SLC2A9: variants seen among roughly 807,000 people sequenced by gnomAD.
SLC2A9 encodes the protein solute carrier family 2, facilitated glucose transporter member 9.
In SLC2A9, 39 loss-of-function variants were observed where a neutral mutation model predicts 50.6. That is an observed-to-expected ratio of 0.77 (90% CI 0.60 to 1.01). The LOEUF is 1.01. Ranked by LOEUF, SLC2A9 falls within the 50% of genes least tolerant of loss-of-function variation. The probability of loss-of-function intolerance (pLI) is 0.00; values close to 1 mark genes in which losing one functional copy is unlikely to be tolerated. For missense variants in SLC2A9, 686 were observed against 677.6 expected (o/e 1.01, Z -0.14); for synonymous variants, 324 against 276.9 (o/e 1.17, Z -1.69).
chr4:9,914,183 T>C (rs987125991), intron 7 of SLC2A9, among the ~76,000 whole-genome samples: 2 of 152,124 alleles, frequency 1.3e-5, no homozygotes, highest in African/African-American at 4.8e-5. Context: ...CCAGAGATGC[T>C]AGGGGAGGGT....
intron 7 of SLC2A9, among the ~76,000 whole-genome samples, chr4:9,914,026 C>A (rs1298826389): frequency 6.6e-6 from 1 of 152,194 alleles, no homozygotes; most frequent in African/African-American, 2.4e-5. Context: ...GGAGCTATCA[C>A]TGCTCCATTT....
chr4:9,965,502 A>G (rs1190703362), intron 5 of SLC2A9, among the ~76,000 whole-genome samples: 4 of 152,234 alleles, frequency 2.6e-5, no homozygotes, highest in Non-Finnish European at 5.9e-5. Context: ...TTAAGCAAAC[A>G]TGGAATATTA....
chr4:9,938,848 C>G (rs1387944004), intron 6 of SLC2A9, among the ~76,000 whole-genome samples: 1 of 152,118 alleles, frequency 6.6e-6, no homozygotes, highest in African/African-American at 2.4e-5. Flanking sequence ...CCTAAACTGA[C>G]AAGGGTGGCA....
chr4:9,985,660 A>C lies in SLC2A9; in HGVS notation c.535+9T>G. Reference sequence around the variant, plus strand: ...TTACTGTTCCCTCCCCGTCATGGTGAACTCTCACCTCCATCTATGCCCATG... The same window carrying C: ...TTACTGTTCCCTCCCCGTCATGGTGCACTCTCACCTCCATCTATGCCCATG... On this transcript the variant is annotated intron_variant, in intron 4 of 11. Transcript: ENST00000264784. 1 of 1,613,954 alleles carries C rather than the reference A, an allele frequency of 6.2e-7. No individual in the cohort carries two copies. Among genetic ancestry groups the C allele is most frequent in the Non-Finnish European group, 8.5e-7 (1 of 1,179,858 alleles).
At chr4:9,985,853 T>A (rs1756625548) in intron 3 of SLC2A9, 60 bp from the exon 4 acceptor site, 1 of 1,611,802 alleles carries the variant, frequency 6.2e-7, no homozygotes, top group Non-Finnish European at 8.5e-7. Context: ...CACTGAACTG[T>A]CCATCCCAGG....
chr4:9,882,652 T>C (rs2109662278), intron 10 of SLC2A9, among the ~76,000 whole-genome samples: 1 of 144,272 alleles, frequency 6.9e-6, no homozygotes, highest in East Asian at 2.0e-4. Context: ...GAGCTTGCAG[T>C]GAGCTGAGAT....
downstream of SLC2A9, among the ~76,000 whole-genome samples, chr4:9,779,097 T>C (rs1370666628): frequency 1.3e-5 from 2 of 152,100 alleles, no homozygotes; most frequent in Non-Finnish European, 2.9e-5. Flanking sequence ...CGACTATTAT[T>C]AACTCACTTC....
chr4:9,938,991 G>A (rs1329349249), intron 6 of SLC2A9, among the ~76,000 whole-genome samples: 1 of 152,098 alleles, frequency 6.6e-6, no homozygotes, highest in Non-Finnish European at 1.5e-5. Flanking sequence ...CCAAGTTCGT[G>A]GCCTCCCTAC....
At chr4:9,868,425 A>G (rs543608576) in intron 10 of SLC2A9, among the ~76,000 whole-genome samples, 66 of 152,342 alleles carry the variant, frequency 4.3e-4, no homozygotes, top group African/African-American at 1.6e-3. Flanking sequence ...GCCTGGCTGG[A>G]AAGCCCTTGA....
At chr4:9,965,156 C>G (rs1484823274) in intron 5 of SLC2A9, among the ~76,000 whole-genome samples, 1 of 152,176 alleles carries the variant, frequency 6.6e-6, no homozygotes, top group African/African-American at 2.4e-5. Context: ...GTATAGGTAA[C>G]AAATTAGGCT....
intron 6 of SLC2A9, among the ~76,000 whole-genome samples, chr4:9,927,950 A>T (rs1307285562): frequency 1.3e-5 from 2 of 152,212 alleles, no homozygotes; most frequent in East Asian, 3.9e-4. Flanking sequence ...AATTAACCCC[A>T]ATGAATATAC....
intron 6 of SLC2A9, among the ~76,000 whole-genome samples, chr4:9,928,595 G>A (rs4235345): frequency 0.2 from 30,573 of 152,112 alleles, 3,534 homozygotes; most frequent in Admixed American, 0.34. Context: ...TTAGCTGGGC[G>A]TGGTGGCGGG....
intron 10 of SLC2A9, among the ~76,000 whole-genome samples, chr4:9,842,917 G>T (rs1320919217): frequency 6.6e-6 from 1 of 152,146 alleles, no homozygotes; most frequent in Non-Finnish European, 1.5e-5. Flanking sequence ...AGAGTGCAGG[G>T]AGGTGAAAGA....
intron 6 of SLC2A9, among the ~76,000 whole-genome samples, chr4:9,925,492 C>G (rs1744733662): frequency 1.3e-5 from 2 of 152,262 alleles, no homozygotes; most frequent in Admixed American, 1.3e-4. Context: ...GCTTCACACC[C>G]AGCCCTGTCT....
chr4:9,876,844 G>A (rs535687865), intron 10 of SLC2A9, among the ~76,000 whole-genome samples: 5 of 152,224 alleles, frequency 3.3e-5, no homozygotes, highest in East Asian at 1.9e-4. Context: ...CCTTCTGTAC[G>A]AATTCATTTT....
chr4:9,988,805 A>G (rs141224249), intron 3 of SLC2A9, among the ~76,000 whole-genome samples: 2,132 of 152,358 alleles, frequency 0.014, 24 homozygotes, highest in Middle Eastern at 0.054. Flanking sequence ...ATTGGAGGGC[A>G]TGTCCCTTCA....
chr4:9,876,376 T>C (rs541199756), intron 10 of SLC2A9, among the ~76,000 whole-genome samples: 1 of 152,280 alleles, frequency 6.6e-6, no homozygotes, highest in Non-Finnish European at 1.5e-5. Flanking sequence ...GAGGATAACT[T>C]GAGCCCAGGA....
chr4:9,925,619 G>C (rs1744754340), intron 6 of SLC2A9, among the ~76,000 whole-genome samples: 1 of 152,210 alleles, frequency 6.6e-6, no homozygotes. Context: ...ATCAATGTGT[G>C]TTAAGTGTTG....
intron 3 of SLC2A9, among the ~76,000 whole-genome samples, chr4:9,785,389 G>T (rs1719089758): frequency 6.6e-6 from 1 of 152,226 alleles, no homozygotes; most frequent in South Asian, 2.1e-4. Flanking sequence ...CCTCCAGTGG[G>T]AGAAGATTCT....
Sources: gnomAD v4.1 joint callset for allele counts (sites outside exome capture counted in the v4.1 genomes callset) on GRCh38, gnomAD v4.1.1 for gene constraint, MANE v1.5 for transcripts, NCBI Gene and HGNC (gene_info 2026-07-23, HGNC 2026-07-21) for gene names.